GSTM1: variants seen among roughly 807,000 people sequenced by gnomAD.
GSTM1 encodes the protein GST HB subunit 4.
Under a neutral mutation model 17.3 loss-of-function variants are expected in GSTM1, and 6 were observed. The ratio of observed to expected loss-of-function variants is 0.35; its 90% CI spans 0.19 to 0.68. GSTM1 has a LOEUF of 0.68. GSTM1 is among the 30% of genes least tolerant of loss of function. The pLI, the probability that GSTM1 is intolerant of heterozygous loss-of-function variation, is 0.65. For synonymous variants in GSTM1, 20 were observed against 53.6 expected (o/e 0.37, Z 2.74); for missense variants, 62 against 155.9 (o/e 0.40, Z 3.21).
At position 109,688,151 on chromosome 1, in the gene GSTM1, T is replaced by C. The variant is rs537335746; in HGVS notation, c.37-19T>C. On this transcript the variant is annotated intron_variant, in intron 1 of 7. Transcript: ENST00000309851. ...GGGACCCTCCATCTCTGACGCGACC[T>C]GCGGGCCATCTCTCCCAGCTGGCCC... The C allele has an allele frequency of 3.0e-4, 236 of 797,852 alleles. 83 individuals are homozygous for C. The highest frequency in any genetic ancestry group is 2.5e-3 in the African/African-American group (136 of 53,752). The allele number at this position is 797,852 out of a possible 1,614,324, so 49.4% of individuals were successfully genotyped here. A position where few individuals can be genotyped will look rare whatever the true frequency, so the allele number is the denominator to read the frequency against.
rs145408119 is a variant in GSTM1, at chr1:109,688,950, A to C, written c.178-98A>C. ...TTTCAGTCCTGCCATGAGCAGGCAC[A>C]GTGAGTGCCCGGTCTCCTCTCTGCT... On this transcript the variant is annotated intron_variant, in intron 3 of 7. Transcript: ENST00000309851. The C allele has an allele frequency of 7.7e-3, 4,306 of 557,364 alleles. 1,466 individuals carry two copies. Among genetic ancestry groups the C allele is most frequent in the African/African-American group, 0.066 (3,106 of 47,126 alleles). The allele number at this position is 557,364 out of a possible 1,614,324, so 34.5% of individuals were successfully genotyped here. A position where few individuals can be genotyped will look rare whatever the true frequency, so the allele number is the denominator to read the frequency against.
Position 109,688,308 on chromosome 1 carries a change from G to T in GSTM1, c.112+63G>T. On this transcript the variant is annotated intron_variant, in intron 2 of 7. Coordinates refer to ENST00000309851, the MANE Select transcript of GSTM1 (RefSeq NM_000561.4). ...GCTAAGTTGGCACCAAGCAACCCAT[G>T]GTGGCCACCTGTGGCTGCCTCTGCA... 3.9e-6 allele frequency: 3 copies of T among 777,612 alleles called. 1 individual carries two copies. The highest frequency in any genetic ancestry group is 5.6e-6 in the Non-Finnish European group (3 of 533,818). 48.2% of individuals were successfully genotyped at this position (777,612 alleles called of 1,614,324 possible).
rs1429279239 is a variant in GSTM1 at position 109,691,713 on chromosome 1, GGT to G, written c.567+1157_567+1158del. On this transcript the variant is annotated intron_variant, in intron 7 of 7. Coordinates refer to ENST00000309851, the MANE Select transcript of GSTM1 (RefSeq NM_000561.4). ...GGGCTGCAGGCAGAGCAGCCTGTGA[GGT>G]GTGTGTGGCACCACCTGGGTACCAG... Among the ~76,000 whole-genome samples, 2 of 82,442 alleles carry G rather than the reference GGT, an allele frequency of 2.4e-5. 1 individual carries two copies. Among genetic ancestry groups the G allele is most frequent in the African/African-American group, 6.9e-5 (2 of 29,020 alleles). The allele number at this position is 82,442 out of a possible 152,430, so 54.1% of individuals were successfully genotyped here. A position where few individuals can be genotyped will look rare whatever the true frequency, so the allele number is the denominator to read the frequency against.
rs1360281728 is a variant in GSTM1, at chr1:109,691,724, C to A, written c.567+1160C>A. On this transcript the variant is annotated intron_variant, in intron 7 of 7. Coordinates refer to ENST00000309851, the MANE Select transcript of GSTM1 (RefSeq NM_000561.4). ...AGAGCAGCCTGTGAGGTGTGTGTGGCACCACCTGGGTACCAGGCCCGGGGC... is the reference window on the plus strand; with the variant it reads ...AGAGCAGCCTGTGAGGTGTGTGTGGAACCACCTGGGTACCAGGCCCGGGGC... 8.1e-4 allele frequency among the ~76,000 whole-genome samples: 67 copies of A among 82,610 alleles called. 25 individuals are homozygous for A. The highest frequency in any genetic ancestry group is 4.7e-4 in the Non-Finnish European group (15 of 31,724). The allele number at this position is 82,610 out of a possible 152,430, so 54.2% of individuals were successfully genotyped here.
At position 109,689,982 on chromosome 1, in the gene GSTM1, G is replaced by C. The variant is rs1160390168; in HGVS notation, c.361-289G>C. On this transcript the variant is annotated intron_variant, in intron 5 of 7. Coordinates refer to ENST00000309851, the MANE Select transcript of GSTM1 (RefSeq NM_000561.4). ...TGGATCCAGAGGCTGCCAGGTGCTT[G>C]GGCGCTCCTGGGGCTGACCCAGAGG... Among the ~76,000 whole-genome samples, 7 of 81,682 alleles carry C rather than the reference G, an allele frequency of 8.6e-5. 3 individuals carry two copies. Among genetic ancestry groups the C allele is most frequent in the Admixed American group, 5.2e-4 (4 of 7,678 alleles). The allele number at this position is 81,682 out of a possible 152,430, so 53.6% of individuals were successfully genotyped here.
chr1:109,690,067 G>C (rs1648057880), intron 5 of GSTM1, among the ~76,000 whole-genome samples: 1 of 81,464 alleles, frequency 1.2e-5, no homozygotes, highest in African/African-American at 3.5e-5. Context: ...TCTGCCTTCT[G>C]ATCAGTTTAG....
chr1:109,690,883 T>G lies in GSTM1; in HGVS notation c.567+319T>G, dbSNP rs1648083076. ...GAGCCTCTGGATCTATGGGTGGCAG[T>G]CAGGGCTCTCCCATTTGTGACAGAA... On this transcript the variant is annotated intron_variant, in intron 7 of 7. Coordinates refer to ENST00000309851, the MANE Select transcript of GSTM1 (RefSeq NM_000561.4). 7.4e-5 allele frequency among the ~76,000 whole-genome samples: 6 copies of G among 81,186 alleles called. 2 individuals are homozygous for G. The South Asian group carries it at 2.2e-3, about 30-fold the overall frequency. The allele number at this position is 81,186 out of a possible 152,430, so 53.3% of individuals were successfully genotyped here.
In GSTM1 at chr1:109,687,900, C is replaced by A. The variant is rs184653774; in HGVS notation, c.27C>A (p.Asp9Glu). 1.1e-4 allele frequency: 88 copies of A among 794,352 alleles called. 33 individuals are homozygous for A. In the Middle Eastern group the frequency reaches 2.2e-3, roughly 20 times the overall value. 49.2% of individuals were successfully genotyped at this position (794,352 alleles called of 1,614,324 possible). A position where few individuals can be genotyped will look rare whatever the true frequency, so the allele number is the denominator to read the frequency against. The change falls in exon 1 of 8, where the codon GAC becomes GAA. Residue 9 changes from aspartate to glutamate, a missense_variant. Coordinates refer to ENST00000309851, the MANE Select transcript of GSTM1 (RefSeq NM_000561.4). ...TGCCCATGATACTGGGGTACTGGGA[C>A]ATCCGCGGGGTGAGCGAGGGTCCGC... is the stretch of plus-strand genomic sequence containing the variant. Reference protein sequence around the residue: MPMILGYWDIRGLAHAIRL... With the variant: MPMILGYWEIRGLAHAIRL...
At position 109,688,363 on chromosome 1, in the gene GSTM1, T is replaced by C. The variant is rs4147564; in HGVS notation, c.112+118T>C. On this transcript the variant is annotated intron_variant, in intron 2 of 7. Transcript: ENST00000309851. ...TCCCCTGCTGGAGCTGCAGGCTGTCTCTTCCCTGAGCCCCGGTGAGGGAGC... is the reference window on the plus strand; with the variant it reads ...TCCCCTGCTGGAGCTGCAGGCTGTCCCTTCCCTGAGCCCCGGTGAGGGAGC... 8.2e-4 allele frequency: 475 copies of C among 578,506 alleles called. 192 individuals carry two copies. The East Asian group carries it at 0.016, about 19-fold the overall frequency. The allele number at this position is 578,506 out of a possible 1,614,324, so 35.8% of individuals were successfully genotyped here.
rs1648044436 is a variant in GSTM1 at position 109,689,334 on chromosome 1, C to T, written c.360+9C>T. ...GCTACAATCCAGAATTTGTGAGTGT[C>T]CCCAGTGAGCTGCATCTGACAGAGT... On this transcript the variant is annotated intron_variant, in intron 5 of 7. Transcript: ENST00000309851. 1.1e-5 allele frequency: 8 copies of T among 707,030 alleles called. 3 individuals are homozygous for T. In the Middle Eastern group the frequency reaches 2.3e-3, roughly 208 times the overall value. 43.8% of individuals were successfully genotyped at this position (707,030 alleles called of 1,614,324 possible).
chr1:109,690,286 A>G lies in GSTM1; in HGVS notation c.376A>G (p.Lys126Glu). The G allele has an allele frequency of 2.6e-5, 21 of 796,380 alleles. 9 individuals carry two copies. The highest frequency in any genetic ancestry group is 3.8e-5 in the Non-Finnish European group (21 of 551,720). 49.3% of individuals were successfully genotyped at this position (796,380 alleles called of 1,614,324 possible). A position where few individuals can be genotyped will look rare whatever the true frequency, so the allele number is the denominator to read the frequency against. ...YNPEFEKLKP[K>E]YLEELPEKLK... ...TCTGCCTCAGGAGAAACTGAAGCCA[A>G]AGTACTTGGAGGAACTCCCTGAAAA... is the stretch of plus-strand genomic sequence containing the variant. Residue 126 changes from lysine to glutamate, a missense_variant, in exon 6 of 8, where the codon AAG becomes GAG. By Grantham distance (56) the Lys-to-Glu change is moderately conservative. Coordinates refer to ENST00000309851, the MANE Select transcript of GSTM1 (RefSeq NM_000561.4).
At chr1:109,689,902 A>G (rs4147567) in intron 5 of GSTM1, among the ~76,000 whole-genome samples, 7,034 of 80,052 alleles carry the variant, frequency 0.088, 2,516 homozygotes, top group African/African-American at 0.22. Context: ...ATTAGAAGGA[A>G]CTTTCTACTT....
chr1:109,689,125 C>A lies in GSTM1; in HGVS notation c.255C>A (p.Asn85Lys). ...TGTGCTACATTGCCCGCAAGCACAA[C>A]CTGTGTGAGTGTGGGTGGCTGCAAT... ...AILCYIARKH[N>K]LCGETEEEKI... Residue 85 changes from asparagine (N) to lysine (K), a missense_variant, in exon 4 of 8, where the codon AAC becomes AAA. By Grantham distance (94) the Asn-to-Lys change is moderately conservative. Transcript: ENST00000309851. 2.5e-6 allele frequency: 2 copies of A among 796,518 alleles called. 1 individual carries two copies. The highest frequency in any genetic ancestry group is 3.8e-5 in the African/African-American group (2 of 53,166). The allele number at this position is 796,518 out of a possible 1,614,324, so 49.3% of individuals were successfully genotyped here.
rs1479753287 is a variant in GSTM1 at position 109,691,358 on chromosome 1, G to A, written c.567+794G>A. Among the ~76,000 whole-genome samples, 8 of 71,872 alleles carry A rather than the reference G, an allele frequency of 1.1e-4. 2 individuals carry two copies. The highest frequency in any genetic ancestry group is 3.2e-4 in the African/African-American group (8 of 24,770). The allele number at this position is 71,872 out of a possible 152,430, so 47.2% of individuals were successfully genotyped here. A position where few individuals can be genotyped will look rare whatever the true frequency, so the allele number is the denominator to read the frequency against. ...AGCGATTCTACTGCCTCAGCTGCACGATTAGTTGGGATTACAGGTGTGCAC... is the reference window on the plus strand; with the variant it reads ...AGCGATTCTACTGCCTCAGCTGCACAATTAGTTGGGATTACAGGTGTGCAC... On this transcript the variant is annotated intron_variant, in intron 7 of 7. Transcript: ENST00000309851.
Position 109,693,324 on chromosome 1 carries a change from G to A in GSTM1, c.*29G>A, listed in dbSNP as rs1328441291. The A allele has an allele frequency of 2.7e-6, 2 of 745,214 alleles. 1 individual carries two copies. 46.2% of individuals were successfully genotyped at this position (745,214 alleles called of 1,614,324 possible). On this transcript the variant is annotated 3_prime_UTR_variant, in exon 8 of 8. Coordinates refer to ENST00000309851, the MANE Select transcript of GSTM1 (RefSeq NM_000561.4). The stretch of plus-strand genomic sequence containing the variant: ...CTTGAAGGCCAGGAGGTGGGAGTGA[G>A]GAGCCCATACTCAGCCTGCTGCCCA...
In GSTM1 at chr1:109,693,229, C is replaced by T. The variant is rs1235718960; in HGVS notation, c.591C>T (p.Tyr197=). ...AGGGCTTGGAGAAGATCTCTGCCTACATGAAGTCCAGCCGCTTCCTCCCAA... is the reference window on the plus strand; with the variant it reads ...AGGGCTTGGAGAAGATCTCTGCCTATATGAAGTCCAGCCGCTTCCTCCCAA... ...RFEGLEKISA[Y]MKSSRFLPRP... The change falls in exon 8 of 8, where the codon TAC becomes TAT. Residue 197 remains tyrosine (Y), a synonymous_variant. Coordinates refer to ENST00000309851, the MANE Select transcript of GSTM1 (RefSeq NM_000561.4). The T allele has an allele frequency of 2.1e-5, 17 of 795,356 alleles. 6 individuals are homozygous for T. Among genetic ancestry groups the T allele is most frequent in the Non-Finnish European group, 3.1e-5 (17 of 551,640 alleles). The allele number at this position is 795,356 out of a possible 1,614,324, so 49.3% of individuals were successfully genotyped here. A position where few individuals can be genotyped will look rare whatever the true frequency, so the allele number is the denominator to read the frequency against.
intron 7 of GSTM1, among the ~76,000 whole-genome samples, chr1:109,690,992 G>C (rs1264435903): frequency 1.2e-5 from 1 of 80,614 alleles, no homozygotes; most frequent in Non-Finnish European, 3.2e-5. Flanking sequence ...ACCATAGATG[G>C]AGCTGGCAAT....
Position 109,690,649 on chromosome 1 carries a change from C to T in GSTM1, c.567+85C>T. 2.5e-6 allele frequency: 2 copies of T among 785,658 alleles called. 1 individual carries two copies. Among genetic ancestry groups the T allele is most frequent in the Non-Finnish European group, 3.7e-6 (2 of 542,552 alleles). 48.7% of individuals were successfully genotyped at this position (785,658 alleles called of 1,614,324 possible). A position where few individuals can be genotyped will look rare whatever the true frequency, so the allele number is the denominator to read the frequency against. ...GTTTTCCCAGTCCTGGAGCTACACACAGAATAACTCGCATGTATTGAGTAC... is the reference window on the plus strand; with the variant it reads ...GTTTTCCCAGTCCTGGAGCTACACATAGAATAACTCGCATGTATTGAGTAC... On this transcript the variant is annotated intron_variant, in intron 7 of 7. Coordinates refer to ENST00000309851, the MANE Select transcript of GSTM1 (RefSeq NM_000561.4).
chr1:109,687,837 T>G lies in GSTM1; in HGVS notation c.-37T>G. The G allele has an allele frequency of 4.0e-6, 3 of 746,188 alleles. No homozygotes were observed. The highest frequency in any genetic ancestry group is 3.0e-5 in the Admixed American group (1 of 32,816). The allele number at this position is 746,188 out of a possible 1,614,324, so 46.2% of individuals were successfully genotyped here. ...CTCTTATACTCTGAGCCCTGCTCGG[T>G]TTAGGCCTGTCTGCGGAATCCGCAC... On this transcript the variant is annotated 5_prime_UTR_variant, in exon 1 of 8. Transcript: ENST00000309851.
Sources: gnomAD v4.1 joint callset for allele counts (sites outside exome capture counted in the v4.1 genomes callset) on GRCh38, gnomAD v4.1.1 for gene constraint, MANE v1.5 for transcripts, NCBI Gene and HGNC (gene_info 2026-07-23, HGNC 2026-07-21) for gene names.